Variants in CFAP210 observed in about 807,000 individuals in gnomAD.
CFAP210 encodes cilia and flagella associated protein 210.
chr2:169,685,949 A>G, the CFAP210 span, among the ~76,000 whole-genome samples: 2 of 152,120 alleles, frequency 1.3e-5, no homozygotes, highest in African/African-American at 4.8e-5. Context: ...CATTATTTCT[A>G]TTACACTCAT....
the CFAP210 span, chr2:169,646,165 A>T: frequency 1.3e-4 from 214 of 1,607,914 alleles, 3 homozygotes; most frequent in South Asian, 2.2e-3. Flanking sequence ...CTTGCTTTGC[A>T]TTAAACTTAT....
chr2:169,692,442 A>ACGCGCG, the CFAP210 span, among the ~76,000 whole-genome samples: 21 of 107,028 alleles, frequency 2.0e-4, no homozygotes, highest in South Asian at 9.4e-4. Context: ...CAACAGGCGC[A>ACGCGCG]CGCACACACA....
At chr2:169,662,539 GA>G in the CFAP210 span, 2 of 995,854 alleles carry the variant, frequency 2.0e-6, no homozygotes, top group Non-Finnish European at 2.8e-6. Context: ...AAGCTGCAAG[GA>G]AAAATCTGTG....
chr2:169,672,353 A>G, the CFAP210 span, among the ~76,000 whole-genome samples: 6 of 152,204 alleles, frequency 3.9e-5, no homozygotes, highest in African/African-American at 1.4e-4. Flanking sequence ...CAGAACCAAG[A>G]GGGTGTGTGT....
At chr2:169,653,056 A>ATG in the CFAP210 span, among the ~76,000 whole-genome samples, 127 of 101,986 alleles carry the variant, frequency 1.2e-3, 3 homozygotes, top group African/African-American at 4.5e-3. Context: ...ATATATATAT[A>ATG]TATATATATA....
At chr2:169,649,437 GGA>G in the CFAP210 span, 6 of 1,195,036 alleles carry the variant, frequency 5.0e-6, no homozygotes, top group Non-Finnish European at 7.1e-6. Flanking sequence ...TTGAAGCAGA[GGA>G]GAGTCAGCCA....
At chr2:169,688,612 G>A in the CFAP210 span, among the ~76,000 whole-genome samples, 63 of 152,276 alleles carry the variant, frequency 4.1e-4, no homozygotes, top group Non-Finnish European at 8.2e-4. Flanking sequence ...GTAAAATGAC[G>A]CTAGTCTTTT....
chr2:169,668,326 C>T, the CFAP210 span, among the ~76,000 whole-genome samples: 1 of 152,192 alleles, frequency 6.6e-6, no homozygotes, highest in Non-Finnish European at 1.5e-5. Context: ...AATGTCAGGG[C>T]TGGTTTGAGC....
the CFAP210 span, among the ~76,000 whole-genome samples, chr2:169,676,129 C>T: frequency 6.6e-6 from 1 of 152,058 alleles, no homozygotes; most frequent in African/African-American, 2.4e-5. Flanking sequence ...GAATTCCCAC[C>T]CTTTCCTTTC....
the CFAP210 span, chr2:169,649,354 T>A: frequency 6.2e-7 from 1 of 1,606,294 alleles, no homozygotes; most frequent in Non-Finnish European, 8.5e-7. Flanking sequence ...CATCTAGATG[T>A]TTAAAGGCAA....
At chr2:169,667,331 G>A in the CFAP210 span, among the ~76,000 whole-genome samples, 10 of 151,828 alleles carry the variant, frequency 6.6e-5, no homozygotes, top group African/African-American at 1.2e-4. Context: ...TACAGACAGC[G>A]TTTCACCATG....
At chr2:169,651,875 CT>C in the CFAP210 span, among the ~76,000 whole-genome samples, 750 of 143,774 alleles carry the variant, frequency 5.2e-3, 5 homozygotes, top group African/African-American at 0.013. Flanking sequence ...TATAAGGTTC[CT>C]TTTTTTTTTT....
the CFAP210 span, among the ~76,000 whole-genome samples, chr2:169,689,111 G>C: frequency 1.4e-4 from 21 of 151,976 alleles, no homozygotes; most frequent in East Asian, 3.1e-3. Context: ...TCATAAGACT[G>C]AATTACTATC....
At chr2:169,693,818 C>T in the CFAP210 span, among the ~76,000 whole-genome samples, 1 of 152,000 alleles carries the variant, frequency 6.6e-6, no homozygotes, top group African/African-American at 2.4e-5. Flanking sequence ...TAGTAAAGAC[C>T]AATCAGCAGG....
At chr2:169,678,175 T>C in the CFAP210 span, among the ~76,000 whole-genome samples, 3 of 151,462 alleles carry the variant, frequency 2.0e-5, no homozygotes, top group Non-Finnish European at 4.4e-5. Context: ...ACCCCGTCTC[T>C]ACTAAAAATA....
the CFAP210 span, among the ~76,000 whole-genome samples, chr2:169,667,421 G>A: frequency 6.6e-6 from 1 of 152,132 alleles, no homozygotes; most frequent in African/African-American, 2.4e-5. Context: ...TTACAGGCAT[G>A]AGCCACTGTG....
At chr2:169,691,119 C>T in the CFAP210 span, among the ~76,000 whole-genome samples, 2 of 152,108 alleles carry the variant, frequency 1.3e-5, 1 homozygote, top group Middle Eastern at 6.9e-3. Context: ...TCTCATTATT[C>T]TGAGACTGAA....
the CFAP210 span, chr2:169,674,710 C>T: frequency 6.2e-7 from 1 of 1,607,586 alleles, no homozygotes; most frequent in Admixed American, 1.7e-5. Flanking sequence ...TTATCTTACT[C>T]TTTCGGAATT....
the CFAP210 span, chr2:169,649,055 A>G: frequency 2.9e-6 from 2 of 693,572 alleles, no homozygotes; most frequent in South Asian, 2.6e-5. Context: ...AATACATTTT[A>G]TTGTGTCATA....
Sources: gnomAD v4.1 joint callset for allele counts (sites outside exome capture counted in the v4.1 genomes callset) on GRCh38, gnomAD v4.1.1 for gene constraint, MANE v1.5 for transcripts, NCBI Gene and HGNC (gene_info 2026-07-23, HGNC 2026-07-21) for gene names.